Variants in CCDC102B observed in about 807,000 individuals in gnomAD.
The protein encoded by CCDC102B is coiled-coil domain containing 102B.
In CCDC102B, 75 loss-of-function variants were observed where a neutral mutation model predicts 57.4. The observed-to-expected ratio is 1.31, with a 90% CI of 1.08 to 1.58. The LOEUF is 1.58. CCDC102B is among the 40% of genes most tolerant of loss of function. The pLI is 0.00. For synonymous variants in CCDC102B, 206 were observed against 201.9 expected (o/e 1.02, Z -0.17); for missense variants, 636 against 582.6 (o/e 1.09, Z -0.94).
rs1364042462 is a variant in CCDC102B at position 68,812,750 on chromosome 18, C to T, written c.-16+14569C>T. On this transcript the variant is annotated intron_variant, in intron 1 of 7. Transcript: ENST00000360242. ...ATTTTAGTTCAAGCTGGTGCTTCTA[C>T]ATTTTTGTTGTTGTTGCTGTTGGAA... Among the ~76,000 whole-genome samples the T allele has an allele frequency of 2.0e-5, 3 of 152,148 alleles. No individual in the cohort carries two copies. The East Asian group carries it at 5.8e-4, about 29-fold the overall frequency.
intron 2 of CCDC102B, among the ~76,000 whole-genome samples, chr18:68,774,866 T>C (rs1211178836): frequency 6.6e-6 from 1 of 151,560 alleles, no homozygotes; most frequent in Non-Finnish European, 1.5e-5. Context: ...CTTTTAATTT[T>C]AATATATATT....
At chr18:68,854,082 C>A (rs924664825) in intron 4 of CCDC102B, among the ~76,000 whole-genome samples, 1 of 102,906 alleles carries the variant, frequency 9.7e-6, no homozygotes, top group African/African-American at 3.4e-5. Context: ...TAGCATAATA[C>A]TTTTTCTTGT....
At chr18:68,733,489 T>TTTTTATATAAA (rs2032980725) in intron 2 of CCDC102B, among the ~76,000 whole-genome samples, 1 of 86,782 alleles carries the variant, frequency 1.2e-5, no homozygotes, top group Non-Finnish European at 2.1e-5. Flanking sequence ...TATATATATA[T>TTTTTATATAAA]ATATATATAT....
intron 7 of CCDC102B, among the ~76,000 whole-genome samples, chr18:69,031,527 C>T (rs1351999686): frequency 4.0e-5 from 6 of 149,206 alleles, no homozygotes; most frequent in Non-Finnish European, 7.4e-5. Flanking sequence ...TTTGGGGTAT[C>T]TAATTTTTAT....
In CCDC102B at chr18:68,816,849, T is replaced by C. The variant is rs2036505335; in HGVS notation, c.-16+18668T>C. Among the ~76,000 whole-genome samples the C allele has an allele frequency of 2.6e-5, 4 of 152,210 alleles. No homozygotes were observed. The South Asian group carries it at 8.3e-4, about 31-fold the overall frequency. ...GACTATTTTAAGATCAGTAATAATG[T>C]CTAAAAGCAGCATTAAATAGGGTAA... On this transcript the variant is annotated intron_variant, in intron 1 of 7. Coordinates refer to ENST00000360242, the MANE Select transcript of CCDC102B (RefSeq NM_024781.3).
intron 7 of CCDC102B, among the ~76,000 whole-genome samples, chr18:69,028,306 A>G (rs547031593): frequency 1.3e-4 from 20 of 152,314 alleles, no homozygotes; most frequent in African/African-American, 4.3e-4. Context: ...AATATGAATG[A>G]AAGGTTGGTA....
At chr18:68,896,296 T>A (rs78806509) in intron 5 of CCDC102B, among the ~76,000 whole-genome samples, 1,788 of 152,092 alleles carry the variant, frequency 0.012, 38 homozygotes, top group East Asian at 0.081. Context: ...TCTTTAAAAC[T>A]TAAAGACATT....
At chr18:68,883,491 G>A (rs1013729721) in intron 5 of CCDC102B, among the ~76,000 whole-genome samples, 1 of 151,986 alleles carries the variant, frequency 6.6e-6, no homozygotes, top group African/African-American at 2.4e-5. Flanking sequence ...AAATAGGAGG[G>A]TTGGTTAAAA....
At chr18:69,035,531 G>A (rs1036725925) in intron 7 of CCDC102B, among the ~76,000 whole-genome samples, 4 of 152,042 alleles carry the variant, frequency 2.6e-5, no homozygotes, top group African/African-American at 9.7e-5. Flanking sequence ...GATATTGGAG[G>A]ACCTGGAATT....
At chr18:68,897,111 A>G (rs1027493740) in intron 5 of CCDC102B, 108 bp from the exon 6 acceptor site, 3 of 757,794 alleles carry the variant, frequency 4.0e-6, no homozygotes, top group Non-Finnish European at 6.6e-6. Flanking sequence ...AAATTGTATC[A>G]GTGGACATAT....
chr18:68,953,879 G>A (rs565273313), intron 6 of CCDC102B, among the ~76,000 whole-genome samples: 4 of 151,676 alleles, frequency 2.6e-5, no homozygotes, highest in Admixed American at 6.6e-5. Context: ...TTTATCATGC[G>A]CTTTATATCT....
intron 1 of CCDC102B, among the ~76,000 whole-genome samples, chr18:68,803,340 TA>T: frequency 6.6e-6 from 1 of 152,288 alleles, no homozygotes; most frequent in Non-Finnish European, 1.5e-5. Context: ...GTCTAGCTGG[TA>T]AAGCAGTAGA....
intron 2 of CCDC102B, among the ~76,000 whole-genome samples, chr18:68,762,037 G>A (rs946952205): frequency 6.6e-6 from 1 of 152,016 alleles, no homozygotes; most frequent in Non-Finnish European, 1.5e-5. Context: ...ACGTGTTTAC[G>A]TAAACGATGT....
intron 6 of CCDC102B, among the ~76,000 whole-genome samples, chr18:68,926,111 G>T (rs927675036): frequency 6.6e-6 from 1 of 151,946 alleles, no homozygotes; most frequent in African/African-American, 2.4e-5. Flanking sequence ...CTAACATGCA[G>T]TAGGAAAGTT....
At chr18:68,822,495 A>G (rs2036731431) in intron 1 of CCDC102B, among the ~76,000 whole-genome samples, 1 of 151,412 alleles carries the variant, frequency 6.6e-6, no homozygotes, top group African/African-American at 2.4e-5. Flanking sequence ...AAAAACTGTG[A>G]TTATTTAATA....
intron 7 of CCDC102B, among the ~76,000 whole-genome samples, chr18:69,016,825 G>GAA: frequency 1.3e-5 from 2 of 152,004 alleles, no homozygotes; most frequent in East Asian, 3.9e-4. Context: ...TCTACATCGG[G>GAA]AAAAAAGTTT....
At chr18:68,931,964 T>C (rs999598681) in intron 6 of CCDC102B, among the ~76,000 whole-genome samples, 4 of 143,002 alleles carry the variant, frequency 2.8e-5, no homozygotes, top group African/African-American at 9.7e-5. Context: ...GTGGGTATTC[T>C]ATACACAAAC....
chr18:68,823,968 G>A (rs918210053), intron 1 of CCDC102B, among the ~76,000 whole-genome samples: 4 of 148,854 alleles, frequency 2.7e-5, no homozygotes, highest in African/African-American at 7.5e-5. Context: ...TGCTGGATGC[G>A]TAGTTTGTGA....
At chr18:68,991,025 T>C (rs1358494093) in intron 6 of CCDC102B, among the ~76,000 whole-genome samples, 1 of 152,140 alleles carries the variant, frequency 6.6e-6, no homozygotes, top group Non-Finnish European at 1.5e-5. Context: ...TCTTGGAATC[T>C]GAGTTACTTC....
Sources: gnomAD v4.1 joint callset for allele counts (sites outside exome capture counted in the v4.1 genomes callset) on GRCh38, gnomAD v4.1.1 for gene constraint, MANE v1.5 for transcripts, NCBI Gene and HGNC (gene_info 2026-07-23, HGNC 2026-07-21) for gene names.